The following EGFR variants were observed in gnomAD, a reference collection of about 807,000 sequenced individuals.
EGFR encodes avian erythroblastic leukemia viral (v-erb-b) oncogene homolog.
EGFR carries 58 observed loss-of-function variants against 143.0 expected under a neutral mutation model. That is an observed-to-expected ratio of 0.41 (90% confidence interval 0.33 to 0.50). The LOEUF is 0.50. Ranked by LOEUF, EGFR falls within the 20% of genes least tolerant of loss-of-function variation. The probability of loss-of-function intolerance (pLI) is 0.39; values close to 1 mark genes in which losing one functional copy is unlikely to be tolerated. For missense variants in EGFR, 1,307 were observed against 1,579.0 expected (o/e 0.83, Z 2.92); for synonymous variants, 613 against 594.4 (o/e 1.03, Z -0.45).
At chr7:55,135,364 T>A (rs755331990) in intron 1 of EGFR, among the ~76,000 whole-genome samples, 33 of 152,068 alleles carry the variant, frequency 2.2e-4, no homozygotes, top group South Asian at 1.0e-3. Context: ...CATATTATAA[T>A]GTACATGGAA....
At chr7:55,040,113 C>T (rs1362807997) in intron 1 of EGFR, among the ~76,000 whole-genome samples, 1 of 152,122 alleles carries the variant, frequency 6.6e-6, no homozygotes, top group Non-Finnish European at 1.5e-5. Context: ...CTTGTTCCAA[C>T]AAGGAAAGTT....
chr7:55,200,877 C>T (rs1787816488), intron 24 of EGFR: 1 of 510,712 alleles, frequency 2.0e-6, no homozygotes, highest in Non-Finnish European at 3.5e-6. Context: ...AAAATACGCT[C>T]CCTAACACCT....
At chr7:55,171,776 T>G (rs1288329590) in intron 16 of EGFR, among the ~76,000 whole-genome samples, 1 of 151,998 alleles carries the variant, frequency 6.6e-6, no homozygotes, top group African/African-American at 2.4e-5. Flanking sequence ...CAGGAAAGAG[T>G]GGTGTTACTC....
In EGFR at chr7:55,210,619, G is replaced by C. The variant is rs1201447370; in HGVS notation, c.*5002G>C. The stretch of plus-strand genomic sequence containing the variant: ...GTGATTCTCAGGCCTAGAGAGCTAA[G>C]ACACAAAGACCTCCACATCTGTCGC... On this transcript the variant is annotated 3_prime_UTR_variant, in exon 28 of 28. Coordinates refer to ENST00000275493, the MANE Select transcript of EGFR (RefSeq NM_005228.5). The C allele has an allele frequency of 6.6e-6, 1 of 152,190 alleles. No individual in the cohort carries two copies. Among genetic ancestry groups the C allele is most frequent in the Non-Finnish European group, 1.5e-5 (1 of 68,044 alleles). 9.4% of individuals were successfully genotyped at this position (152,190 alleles called of 1,614,324 possible).
intron 1 of EGFR, chr7:55,109,614 T>C (rs1048601873): frequency 1.8e-5 from 7 of 397,444 alleles, no homozygotes; most frequent in African/African-American, 1.5e-4. Context: ...ATGTGAGTCA[T>C]TGCTAGTCAG....
Position 55,019,064 on chromosome 7 carries a change from C to CTA in EGFR, c.-214_-213insTA, listed in dbSNP as rs1438376141. 3 of 271,986 alleles carry CTA rather than the reference C, an allele frequency of 1.1e-5. No homozygotes were observed. The highest frequency in any genetic ancestry group is 6.7e-6 in the Non-Finnish European group (1 of 148,192). The allele number at this position is 271,986 out of a possible 1,614,324, so 16.8% of individuals were successfully genotyped here. A position where few individuals can be genotyped will look rare whatever the true frequency, so the allele number is the denominator to read the frequency against. On this transcript the variant is annotated 5_prime_UTR_variant, in exon 1 of 28. Coordinates refer to ENST00000275493, the MANE Select transcript of EGFR (RefSeq NM_005228.5). The stretch of plus-strand genomic sequence containing the variant: ...GCAGCGCGGCCGCAGCAGCCTCCGC[C>CTA]CCCCGCACGGTGTGAGCGCCCGACG...
intron 1 of EGFR, among the ~76,000 whole-genome samples, chr7:55,102,766 A>T (rs1791902940): frequency 6.6e-6 from 1 of 152,186 alleles, no homozygotes; most frequent in Non-Finnish European, 1.5e-5. Context: ...TCTTAAATAG[A>T]AATTTTAAAA....
Position 55,065,250 on chromosome 7 carries a change from A to T in EGFR, c.88+45885A>T, listed in dbSNP as rs1295973750. On this transcript the variant is annotated intron_variant, in intron 1 of 27. Transcript: ENST00000275493. ...GGGCCTTTAATGCATAAACACTGAG[A>T]TGTTCTAAGGAAATTACTCCCTAGG... Among the ~76,000 whole-genome samples the T allele has an allele frequency of 7.2e-5, 11 of 152,156 alleles. 1 individual carries two copies. The highest frequency in any genetic ancestry group is 4.4e-5 in the Non-Finnish European group (3 of 68,024).
intron 1 of EGFR, among the ~76,000 whole-genome samples, chr7:55,020,559 T>TACACACACACACACACACAC (rs11568315): frequency 1.4e-5 from 2 of 145,152 alleles, no homozygotes; most frequent in African/African-American, 5.1e-5. Flanking sequence ...AAACCTGTCT[T>TACACACACACACACACACAC]ACACACACAC....
At chr7:55,111,753 T>C (rs552594826) in intron 1 of EGFR, among the ~76,000 whole-genome samples, 1 of 152,324 alleles carries the variant, frequency 6.6e-6, no homozygotes, top group East Asian at 1.9e-4. Flanking sequence ...TGTCCTTCTA[T>C]GTCAGCAGCC....
chr7:55,026,621 G>A (rs1434718371), intron 1 of EGFR, among the ~76,000 whole-genome samples: 1 of 152,156 alleles, frequency 6.6e-6, no homozygotes, highest in African/African-American at 2.4e-5. Context: ...CAGGGAAGAT[G>A]CCAGTCTCGG....
At chr7:55,061,866 G>A (rs940225209) in intron 1 of EGFR, among the ~76,000 whole-genome samples, 1 of 152,182 alleles carries the variant, frequency 6.6e-6, no homozygotes, top group Non-Finnish European at 1.5e-5. Context: ...GCACGGCAAA[G>A]GCTCAGCTGC....
intron 3 of EGFR, among the ~76,000 whole-genome samples, chr7:55,144,739 C>T (rs772242278): frequency 7.2e-5 from 11 of 152,282 alleles, no homozygotes; most frequent in South Asian, 4.1e-4. Context: ...CACGCTGTCT[C>T]GGAGGGAGGC....
intron 1 of EGFR, among the ~76,000 whole-genome samples, chr7:55,133,019 CAG>C (rs1241338213): frequency 6.6e-6 from 1 of 152,192 alleles, no homozygotes; most frequent in Non-Finnish European, 1.5e-5. Context: ...ACAGCTCAAC[CAG>C]CAAATAAACA....
At chr7:55,068,555 C>G (rs1215987186) in intron 1 of EGFR, among the ~76,000 whole-genome samples, 1 of 152,192 alleles carries the variant, frequency 6.6e-6, no homozygotes, top group Non-Finnish European at 1.5e-5. Flanking sequence ...CACAGTGATC[C>G]TCATCACTAG....
chr7:55,030,608 G>A (rs1490252099), intron 1 of EGFR, among the ~76,000 whole-genome samples: 1 of 152,188 alleles, frequency 6.6e-6, no homozygotes, highest in Non-Finnish European at 1.5e-5. Context: ...TAGCAGTTGG[G>A]TCAGTTAGCA....
chr7:55,067,819 C>T (rs1558543), intron 1 of EGFR, among the ~76,000 whole-genome samples: 21,996 of 148,844 alleles, frequency 0.15, 2,092 homozygotes, highest in African/African-American at 0.2. Context: ...CGCGGATGTG[C>T]GTGTATGTGT....
chr7:55,041,711 A>G (rs1013894873), intron 1 of EGFR, among the ~76,000 whole-genome samples: 5 of 152,212 alleles, frequency 3.3e-5, no homozygotes, highest in African/African-American at 9.6e-5. Flanking sequence ...GTATACTTCA[A>G]TTGTAATACC....
At chr7:55,176,043 T>C (rs1468075355) in intron 19 of EGFR, among the ~76,000 whole-genome samples, 2 of 152,224 alleles carry the variant, frequency 1.3e-5, no homozygotes, top group African/African-American at 4.8e-5. Context: ...AAATGTTAAG[T>C]CTATTAACAT....
Sources: allele counts gnomAD v4.1 joint callset (sites outside exome capture counted in the v4.1 genomes callset), GRCh38; gene constraint gnomAD v4.1.1; transcripts MANE v1.5; gene names NCBI Gene and HGNC (gene_info 2026-07-23, HGNC 2026-07-21).